Variants in PCLO observed in about 807,000 individuals in gnomAD.
PCLO encodes the protein piccolo presynaptic cytomatrix protein, also known as protein piccolo.
A neutral mutation model predicts 427.5 loss-of-function variants in PCLO; 82 were observed. The ratio of observed to expected loss-of-function variants is 0.19; its 90% CI spans 0.16 to 0.23. The LOEUF (loss-of-function observed/expected upper bound fraction) is 0.23, where lower values mean the gene tolerates loss of function less well. Ranked by LOEUF, PCLO falls within the 10% of genes least tolerant of loss-of-function variation. PCLO has a pLI of 1.00. For synonymous variants in PCLO, 2,357 were observed against 2,155.4 expected (o/e 1.09, Z -2.59); for missense variants, 6,239 against 6,115.9 (o/e 1.02, Z -0.67).
intron 3 of PCLO, among the ~76,000 whole-genome samples, chr7:82,985,189 C>T (rs532972556): frequency 1.3e-5 from 2 of 152,006 alleles, no homozygotes; most frequent in East Asian, 3.9e-4. Context: ...TGCCAAAGCT[C>T]AATCCATGAA....
chr7:82,880,766 T>A (rs557950939), intron 9 of PCLO, among the ~76,000 whole-genome samples: 2 of 152,318 alleles, frequency 1.3e-5, no homozygotes, highest in Admixed American at 1.3e-4. Flanking sequence ...ATGAAAGCAA[T>A]GCATGTTAAT....
chr7:83,031,053 C>A (rs1338816583), intron 3 of PCLO, among the ~76,000 whole-genome samples: 1 of 152,160 alleles, frequency 6.6e-6, no homozygotes, highest in Non-Finnish European at 1.5e-5. Context: ...TTTTAACTTA[C>A]TCTAGGATCT....
At chr7:82,975,097 T>C (rs1042635978) in intron 3 of PCLO, among the ~76,000 whole-genome samples, 2 of 152,094 alleles carry the variant, frequency 1.3e-5, no homozygotes, top group African/African-American at 4.8e-5. Context: ...TATTATAAAA[T>C]CTGTATACTG....
At chr7:82,776,782 G>A (rs946337070) in intron 22 of PCLO, among the ~76,000 whole-genome samples, 7 of 151,834 alleles carry the variant, frequency 4.6e-5, no homozygotes, top group East Asian at 2.0e-4. Context: ...AAGACACAGC[G>A]AGACTCCATC....
chr7:82,951,261 G>A lies in PCLO; in HGVS notation c.9327C>T (p.Ser3109=). 1 of 1,613,588 alleles carries A rather than the reference G, an allele frequency of 6.2e-7. No homozygotes were observed. Among genetic ancestry groups the A allele is most frequent in the Non-Finnish European group, 8.5e-7 (1 of 1,179,736 alleles). ...STFAITTQPG[S]IFSTTVRDLS... ...AATCCCTCACTGTGGTGCTGAAAAT[G>A]GAGCCAGGTTGTGTGGTGATAGCAA... is the stretch of plus-strand genomic sequence containing the variant. Residue 3109 remains serine, a synonymous_variant, in exon 6 of 25, where the codon TCC becomes TCT. Coordinates refer to ENST00000333891, the MANE Select transcript of PCLO (RefSeq NM_033026.6).
intron 3 of PCLO, among the ~76,000 whole-genome samples, chr7:83,064,312 T>C (rs1471613661): frequency 6.6e-6 from 1 of 152,032 alleles, no homozygotes; most frequent in Non-Finnish European, 1.5e-5. Flanking sequence ...ACAGGTCATA[T>C]ACTGCAGGAA....
At chr7:83,159,661 T>C (rs1325229734) in intron 1 of PCLO, among the ~76,000 whole-genome samples, 2 of 151,948 alleles carry the variant, frequency 1.3e-5, no homozygotes, top group African/African-American at 2.4e-5. Flanking sequence ...ATATGCAAAA[T>C]GTAGGAATGT....
chr7:82,935,106 T>G (rs541058550), intron 6 of PCLO, among the ~76,000 whole-genome samples: 2 of 148,874 alleles, frequency 1.3e-5, no homozygotes, highest in East Asian at 4.0e-4. Context: ...ATCCTTGGAC[T>G]TCACCATCTA....
rs1792129007 is a variant in PCLO at position 82,832,805 on chromosome 7, AC to A, written c.14249+2861del. Among the ~76,000 whole-genome samples the A allele has an allele frequency of 4.6e-5, 3 of 65,376 alleles. No homozygotes were observed. In the Admixed American group the frequency reaches 5.3e-4, roughly 11 times the overall value. 42.9% of individuals were successfully genotyped at this position (65,376 alleles called of 152,430 possible). On this transcript the variant is annotated intron_variant, in intron 16 of 24. Coordinates refer to ENST00000333891, the MANE Select transcript of PCLO (RefSeq NM_033026.6). ...TTTTCCTTTACTAAACTTACTACAC[AC>A]ACACACACACACACACACACACACA...
At chr7:83,076,714 T>C (rs924708433) in intron 3 of PCLO, among the ~76,000 whole-genome samples, 3 of 151,628 alleles carry the variant, frequency 2.0e-5, no homozygotes, top group Non-Finnish European at 4.4e-5. Context: ...TATTTTCCTT[T>C]GGCCAAAACC....
chr7:82,988,741 T>A (rs1243497230), intron 3 of PCLO, among the ~76,000 whole-genome samples: 1 of 152,136 alleles, frequency 6.6e-6, no homozygotes, highest in Non-Finnish European at 1.5e-5. Flanking sequence ...ACAAATCTAT[T>A]TGTAACACTT....
At chr7:83,158,107 A>C (rs1584101649) in intron 1 of PCLO, among the ~76,000 whole-genome samples, 1 of 152,046 alleles carries the variant, frequency 6.6e-6, no homozygotes, top group Admixed American at 6.6e-5. Flanking sequence ...CGTATGCATA[A>C]AGTGATTTTC....
intron 7 of PCLO, among the ~76,000 whole-genome samples, chr7:82,913,368 A>T (rs1298587547): frequency 1.3e-5 from 2 of 152,100 alleles, no homozygotes; most frequent in African/African-American, 2.4e-5. Flanking sequence ...AATCCTTTTC[A>T]CAAAAATGTG....
At chr7:83,136,853 T>C (rs922561676) in intron 2 of PCLO, among the ~76,000 whole-genome samples, 4 of 152,212 alleles carry the variant, frequency 2.6e-5, no homozygotes, top group African/African-American at 9.6e-5. Flanking sequence ...AGATGTTGTG[T>C]TTGATACCAT....
intron 22 of PCLO, among the ~76,000 whole-genome samples, chr7:82,777,109 T>C (rs1171789945): frequency 5.3e-5 from 8 of 152,056 alleles, no homozygotes; most frequent in Non-Finnish European, 4.4e-5. Flanking sequence ...TTGTTCTCAA[T>C]AGTTTCAAAG....
intron 3 of PCLO, among the ~76,000 whole-genome samples, chr7:83,054,852 T>C (rs767208219): frequency 7.2e-5 from 11 of 152,094 alleles, no homozygotes; most frequent in Non-Finnish European, 1.6e-4. Context: ...GTAGATACTT[T>C]AGTTCAAATG....
chr7:83,029,360 A>T (rs1328904531), intron 3 of PCLO, among the ~76,000 whole-genome samples: 1 of 151,782 alleles, frequency 6.6e-6, no homozygotes, highest in Non-Finnish European at 1.5e-5. Flanking sequence ...ACATGAAAAA[A>T]TGCTCATCAT....
At chr7:83,111,816 A>G (rs1293084667) in intron 3 of PCLO, among the ~76,000 whole-genome samples, 1 of 152,194 alleles carries the variant, frequency 6.6e-6, no homozygotes, top group Admixed American at 6.5e-5. Context: ...TTGCAGAAAA[A>G]ATTTACTTTG....
Position 83,135,482 on chromosome 7 carries a change from G to A in PCLO, c.2068C>T (p.Pro690Ser), listed in dbSNP as rs772966877. 5 of 1,613,714 alleles carry A rather than the reference G, an allele frequency of 3.1e-6. No homozygotes were observed. In the South Asian group the frequency reaches 5.5e-5, roughly 18 times the overall value. ...GGTGCCTTGGAGAGATCCTGTTTTG[G>A]TGCAGCATCCTTCTTTGGGGAAGTC... Reference protein sequence around the residue: ...QQTSPKKDAAPKQDLSKAPEP... With the variant: ...QQTSPKKDAASKQDLSKAPEP... Residue 690 changes from proline to serine, a missense_variant, in exon 3 of 25, where the codon CCA (proline) becomes TCA (serine). By Grantham distance (74) the Pro-to-Ser change is moderately conservative. Around this residue, in one of 5 missense-constraint regions of PCLO, gnomAD observed 4,677 missense variants for 4,468.4 expected, o/e 1.05. Coordinates refer to ENST00000333891, the MANE Select transcript of PCLO (RefSeq NM_033026.6).
Sources: allele counts gnomAD v4.1 joint callset (sites outside exome capture counted in the v4.1 genomes callset), GRCh38; gene constraint gnomAD v4.1.1; regional missense constraint gnomAD v4.1.1; transcripts MANE v1.5; gene names NCBI Gene and HGNC (gene_info 2026-07-23, HGNC 2026-07-21).